Variants in SRSF11 observed in about 807,000 individuals in gnomAD.
SRSF11 encodes serine/arginine-rich splicing factor 11.
A neutral mutation model predicts 56.0 loss-of-function variants in SRSF11; 9 were observed. That is an observed-to-expected ratio of 0.16 (90% CI 0.10 to 0.28). SRSF11 has a LOEUF of 0.28. SRSF11 is among the 10% of genes least tolerant of loss of function. The pLI, the probability that SRSF11 is intolerant of heterozygous loss-of-function variation, is 1.00. For missense variants in SRSF11, 421 were observed against 600.7 expected (o/e 0.70, Z 3.13); for synonymous variants, 222 against 215.3 (o/e 1.03, Z -0.27).
At chr1:70,228,894 G>A (rs1444962195) in intron 2 of SRSF11, 1 of 984,250 alleles carries the variant, frequency 1.0e-6, no homozygotes, top group East Asian at 1.1e-4. Flanking sequence ...TTCACTCCAT[G>A]TATGCTTACA....
intron 9 of SRSF11, 164 bp from the exon 10 acceptor site, chr1:70,249,788 G>T: frequency 1.6e-6 from 1 of 642,664 alleles, no homozygotes; most frequent in Non-Finnish European, 2.7e-6. Context: ...TGGAACTCCT[G>T]GGCTCAAGCA....
chr1:70,216,420 G>T (rs571938239), upstream of SRSF11, among the ~76,000 whole-genome samples: 1 of 150,802 alleles, frequency 6.6e-6, no homozygotes, highest in Non-Finnish European at 1.5e-5. Context: ...TAGGCCAAAT[G>T]ATAGGTTATT....
chr1:70,244,988 T>G (rs960280993), intron 8 of SRSF11, among the ~76,000 whole-genome samples, 173 bp downstream of exon 8: 1 of 152,246 alleles, frequency 6.6e-6, no homozygotes, highest in African/African-American at 2.4e-5. Flanking sequence ...TGGTGCTTCC[T>G]TGTAAACTGA....
chr1:70,232,405 G>C, intron 3 of SRSF11, 28 bp downstream of exon 3: 1 of 1,562,432 alleles, frequency 6.4e-7, no homozygotes. Flanking sequence ...TTCTTAAAGG[G>C]TGGGGAAAAA....
rs1678104464 is a variant in SRSF11 at position 70,252,571 on chromosome 1, A to T, written c.*1766A>T. The stretch of plus-strand genomic sequence containing the variant: ...TACAGTTTGTAGTAAGTAACTTTTT[A>T]AAGATTTTATCAAAAAGAATTGTCT... On this transcript the variant is annotated 3_prime_UTR_variant, in exon 12 of 12. Coordinates refer to ENST00000370949, the MANE Select transcript of SRSF11 (RefSeq NM_001350605.2). 1 of 81,800 alleles carries T rather than the reference A, an allele frequency of 1.2e-5. No homozygotes were observed. The highest frequency in any genetic ancestry group is 2.3e-5 in the Non-Finnish European group (1 of 42,588). 5.1% of individuals were successfully genotyped at this position (81,800 alleles called of 1,614,324 possible).
At chr1:70,209,008 C>T (rs1282239679) in intron 1 of SRSF11, among the ~76,000 whole-genome samples, 1 of 152,154 alleles carries the variant, frequency 6.6e-6, no homozygotes, top group African/African-American at 2.4e-5. Flanking sequence ...ATGGAATTGT[C>T]TAGCCAGAAT....
intron 1 of SRSF11, among the ~76,000 whole-genome samples, chr1:70,213,723 G>A (rs939788829): frequency 5.3e-5 from 8 of 152,000 alleles, no homozygotes; most frequent in South Asian, 2.1e-4. Flanking sequence ...GTATTCTCAC[G>A]TATTATCCTC....
chr1:70,205,898 C>CTCTCT (rs1468553431), intron 1 of SRSF11: 2 of 174,134 alleles, frequency 1.1e-5, no homozygotes, highest in East Asian at 1.5e-4. Context: ...AAAGAGAACC[C>CTCTCT]TCTCTTCTCC....
intron 3 of SRSF11, among the ~76,000 whole-genome samples, chr1:70,233,369 A>G (rs1264175671): frequency 6.6e-6 from 1 of 151,940 alleles, no homozygotes; most frequent in Non-Finnish European, 1.5e-5. Context: ...AGCCTCCCGA[A>G]TAGCTAGGAC....
intron 5 of SRSF11, 56 bp downstream of exon 5, chr1:70,235,606 T>G: frequency 6.5e-7 from 1 of 1,536,812 alleles, no homozygotes; most frequent in South Asian, 1.2e-5. Flanking sequence ...GTCTACAGAA[T>G]TAGAGTTTTT....
At chr1:70,246,276 T>A (rs1676740346) in intron 8 of SRSF11, among the ~76,000 whole-genome samples, 1 of 151,790 alleles carries the variant, frequency 6.6e-6, no homozygotes, top group African/African-American at 2.4e-5. Context: ...AAAAAAAAAT[T>A]GAGTTACGGC....
chr1:70,235,324 G>A (rs1255779282), intron 4 of SRSF11, among the ~76,000 whole-genome samples, 177 bp from the exon 5 acceptor site: 1 of 148,222 alleles, frequency 6.7e-6, no homozygotes, highest in Non-Finnish European at 1.5e-5. Flanking sequence ...ACCGGTTTTT[G>A]TTTTGTTTTG....
chr1:70,250,315 A>G (rs1395101737), intron 10 of SRSF11, 50 bp from the exon 11 acceptor site: 7 of 1,596,186 alleles, frequency 4.4e-6, no homozygotes, highest in Admixed American at 1.8e-5. Context: ...AGTCAGGCTC[A>G]TCATCTAAAC....
chr1:70,247,121 T>C, intron 9 of SRSF11: 1 of 1,080,240 alleles, frequency 9.3e-7, no homozygotes, highest in Non-Finnish European at 1.2e-6. Context: ...GTCTAGAGTA[T>C]ATTTGAAGTA....
chr1:70,244,563 G>T, intron 7 of SRSF11, 121 bp from the exon 8 acceptor site: 1 of 1,052,936 alleles, frequency 9.5e-7, no homozygotes. Context: ...CAAATGGAAG[G>T]GAATTATCCC....
At position 70,221,509 on chromosome 1, in the gene SRSF11, A is replaced by G; in HGVS notation, c.-128A>G. 1 of 1,267,206 alleles carries G rather than the reference A, an allele frequency of 7.9e-7. No individual in the cohort carries two copies. Among genetic ancestry groups the G allele is most frequent in the Non-Finnish European group, 1.1e-6 (1 of 937,516 alleles). The allele number at this position is 1,267,206 out of a possible 1,614,324, so 78.5% of individuals were successfully genotyped here. Reference sequence around the variant, plus strand: ...CGGCGGCGGCGGCGGCGGCATCGGCAGCAGTAGCAGAGGCTGTAGCATCGG... The same window carrying G: ...CGGCGGCGGCGGCGGCGGCATCGGCGGCAGTAGCAGAGGCTGTAGCATCGG... On this transcript the variant is annotated 5_prime_UTR_variant, in exon 1 of 12. Coordinates refer to ENST00000370949, the MANE Select transcript of SRSF11 (RefSeq NM_001350605.2).
At chr1:70,238,808 CCT>C (rs1312379309) in intron 6 of SRSF11, among the ~76,000 whole-genome samples, 1 of 152,060 alleles carries the variant, frequency 6.6e-6, no homozygotes, top group Non-Finnish European at 1.5e-5. Flanking sequence ...AGAAATTTAC[CCT>C]CTTTATAGAC....
At chr1:70,230,372 T>C in intron 2 of SRSF11, 1 of 1,077,328 alleles carries the variant, frequency 9.3e-7, no homozygotes, top group Non-Finnish European at 1.1e-6. Flanking sequence ...TGTTAGCTCT[T>C]GGTCAGTGTT....
At chr1:70,245,178 T>C (rs998991181) in intron 8 of SRSF11, among the ~76,000 whole-genome samples, 4 of 152,202 alleles carry the variant, frequency 2.6e-5, no homozygotes, top group Non-Finnish European at 5.9e-5. Context: ...CCCCAGTCAT[T>C]TATAGTTGTG....
Sources: allele counts gnomAD v4.1 joint callset (sites outside exome capture counted in the v4.1 genomes callset), GRCh38; gene constraint gnomAD v4.1.1; transcripts MANE v1.5; gene names NCBI Gene and HGNC (gene_info 2026-07-23, HGNC 2026-07-21).